The following PARN variants were observed in gnomAD, a reference collection of about 807,000 sequenced individuals.
PARN encodes poly(A)-specific ribonuclease, also known as poly(A)-specific ribonuclease PARN.
A neutral mutation model predicts 102.8 loss-of-function variants in PARN; 71 were observed. The observed-to-expected ratio is 0.69, with a 90% CI of 0.57 to 0.84. PARN has a LOEUF of 0.84. Among genes scored for constraint, PARN ranks in the 40% least tolerant of loss-of-function variants. The probability of loss-of-function intolerance (pLI) is 0.00; values close to 1 mark genes in which losing one functional copy is unlikely to be tolerated. For missense variants in PARN, 782 were observed against 760.9 expected (o/e 1.03, Z -0.33); for synonymous variants, 261 against 252.9 (o/e 1.03, Z -0.30).
chr16:14,563,936 C>T (rs1968266889), intron 18 of PARN, among the ~76,000 whole-genome samples: 2 of 152,066 alleles, frequency 1.3e-5, no homozygotes, highest in African/African-American at 4.8e-5. Flanking sequence ...TTTATCATGG[C>T]CTGTTCAGCC....
chr16:14,506,413 C>A (rs1331159714), intron 21 of PARN, among the ~76,000 whole-genome samples: 1 of 152,066 alleles, frequency 6.6e-6, no homozygotes, highest in Admixed American at 6.6e-5. Context: ...GACATTAGAT[C>A]ATATCAAAAT....
chr16:14,446,860 C>A lies in PARN; in HGVS notation c.1864+28G>T, dbSNP rs757148015. The A allele has an allele frequency of 2.6e-6, 4 of 1,566,562 alleles. No individual in the cohort carries two copies. In the South Asian group the frequency reaches 4.6e-5, roughly 18 times the overall value. The stretch of plus-strand genomic sequence containing the variant: ...AGAGCATTTAAATAGTCCACGGCCC[C>A]AGAACTTCGGCAAGATCCAATACAA... On this transcript the variant is annotated intron_variant, in intron 23 of 23. Coordinates refer to ENST00000437198, the MANE Select transcript of PARN (RefSeq NM_002582.4).
intron 14 of PARN, 145 bp downstream of exon 14, chr16:14,586,173 A>C: frequency 1.7e-6 from 1 of 582,964 alleles, no homozygotes; most frequent in Non-Finnish European, 3.1e-6. Context: ...ATGTGGTTTC[A>C]CTATGTTGCC....
At chr16:14,446,158 T>C (rs1248424319) in intron 23 of PARN, among the ~76,000 whole-genome samples, 1 of 152,210 alleles carries the variant, frequency 6.6e-6, no homozygotes, top group East Asian at 1.9e-4. Flanking sequence ...GGCCTCTTGC[T>C]GTGGCCCTGT....
chr16:14,629,627 C>A lies in PARN; in HGVS notation c.67G>T (p.Asp23Tyr). The change falls in exon 2 of 24, where the codon GAC becomes TAC. Residue 23 changes from aspartate to tyrosine, a missense_variant. Asp to Tyr is a radical substitution (Grantham distance 160). Transcript: ENST00000437198. The part of the protein sequence containing the change: ...HKVYQAIEEA[D>Y]FFAIDGEFSG... The stretch of plus-strand genomic sequence containing the variant: ...AACTCCCCATCGATGGCGAAGAAGT[C>A]GGCCTCCTCTATGGCCTGGTACACT... 1 of 1,613,518 alleles carries A rather than the reference C, an allele frequency of 6.2e-7. No individual in the cohort carries two copies. The highest frequency in any genetic ancestry group is 8.5e-7 in the Non-Finnish European group (1 of 1,179,394).
intron 13 of PARN, among the ~76,000 whole-genome samples, 165 bp downstream of exon 13, chr16:14,593,136 A>G (rs1370777463): frequency 6.6e-6 from 1 of 151,012 alleles, no homozygotes; most frequent in Non-Finnish European, 1.5e-5. Context: ...CATCTCAAGG[A>G]AAAAAAAATG....
At chr16:14,554,654 C>T (rs763477684) in intron 19 of PARN, among the ~76,000 whole-genome samples, 10 of 151,660 alleles carry the variant, frequency 6.6e-5, no homozygotes, top group South Asian at 4.2e-4. Context: ...ATGCTGCCCA[C>T]GCTGGTCTTG....
At chr16:14,609,369 CA>C (rs1448953014) in intron 7 of PARN, among the ~76,000 whole-genome samples, 5 of 151,838 alleles carry the variant, frequency 3.3e-5, no homozygotes, top group African/African-American at 1.2e-4. Flanking sequence ...AGTTCGCGAC[CA>C]GCCTGGGCAA....
At chr16:14,487,033 G>A (rs370126525) in intron 21 of PARN, among the ~76,000 whole-genome samples, 210 of 152,358 alleles carry the variant, frequency 1.4e-3, no homozygotes, top group African/African-American at 4.5e-3. Flanking sequence ...AGAACAGCAC[G>A]GTCCGGGGTG....
rs919832892 is a variant in PARN at position 14,551,952 on chromosome 16, T to C, written c.1480+69A>G. The C allele has an allele frequency of 5.2e-6, 5 of 952,840 alleles. No homozygotes were observed. The South Asian group carries it at 6.9e-5, about 13-fold the overall frequency. 59.0% of individuals were successfully genotyped at this position (952,840 alleles called of 1,614,324 possible). A position where few individuals can be genotyped will look rare whatever the true frequency, so the allele number is the denominator to read the frequency against. On this transcript the variant is annotated intron_variant, in intron 21 of 23. Transcript: ENST00000437198. ...GCTGACTGAGCCCATAGCTTTTAAA[T>C]TAAGGGGGCAGTGGGAGGGCAACCT...
chr16:14,569,899 T>C (rs1026417702), intron 18 of PARN, among the ~76,000 whole-genome samples: 6 of 152,172 alleles, frequency 3.9e-5, no homozygotes, highest in African/African-American at 1.4e-4. Flanking sequence ...AAACTGTACA[T>C]TTTAAATGGT....
chr16:14,488,367 A>G (rs1310748273), intron 21 of PARN, among the ~76,000 whole-genome samples: 2 of 152,198 alleles, frequency 1.3e-5, no homozygotes, highest in African/African-American at 4.8e-5. Flanking sequence ...GACAGGCATA[A>G]AAGAAAAGAT....
Position 14,556,893 on chromosome 16 carries a change from T to G in PARN, c.1263-1184A>C, listed in dbSNP as rs536910591. Among the ~76,000 whole-genome samples, 7 of 152,186 alleles carry G rather than the reference T, an allele frequency of 4.6e-5. No individual in the cohort carries two copies. In the South Asian group the frequency reaches 1.5e-3, roughly 32 times the overall value. On this transcript the variant is annotated intron_variant, in intron 18 of 23. Coordinates refer to ENST00000437198, the MANE Select transcript of PARN (RefSeq NM_002582.4). The stretch of plus-strand genomic sequence containing the variant: ...CAAAAGCCCACATCATTATTATCAT[T>G]TAAAACACACTAAAAGCACCAAACA...
intron 21 of PARN, among the ~76,000 whole-genome samples, chr16:14,537,893 G>A (rs544498523): frequency 2.0e-5 from 3 of 152,104 alleles, no homozygotes; most frequent in Admixed American, 2.0e-4. Context: ...GGTAAATGTG[G>A]TTAAATAATA....
intron 21 of PARN, among the ~76,000 whole-genome samples, chr16:14,494,006 A>C (rs914394608): frequency 3.9e-5 from 6 of 152,220 alleles, no homozygotes; most frequent in African/African-American, 1.2e-4. Flanking sequence ...CTGTGTTTGA[A>C]CTGCATGGGT....
chr16:14,583,841 A>G (rs1969676777), intron 16 of PARN, among the ~76,000 whole-genome samples: 1 of 152,222 alleles, frequency 6.6e-6, no homozygotes, highest in African/African-American at 2.4e-5. Context: ...AAACACCTCC[A>G]TCTCATCTCC....
At chr16:14,611,116 A>C (rs975119070) in intron 6 of PARN, among the ~76,000 whole-genome samples, 1 of 152,244 alleles carries the variant, frequency 6.6e-6, no homozygotes, top group Admixed American at 6.5e-5. Flanking sequence ...CTGACAAGAA[A>C]ATCAGGAAAG....
intron 6 of PARN, among the ~76,000 whole-genome samples, chr16:14,612,244 C>G: frequency 6.6e-6 from 1 of 152,184 alleles, no homozygotes; most frequent in Non-Finnish European, 1.5e-5. Context: ...GGAGACCAGC[C>G]TGGCCAACAT....
intron 22 of PARN, among the ~76,000 whole-genome samples, chr16:14,468,337 GC>G (rs1962494378): frequency 1.3e-5 from 2 of 152,218 alleles, no homozygotes; most frequent in Admixed American, 1.3e-4. Context: ...AAATGCCAGT[GC>G]CTTCTCTGTC....
Sources: gnomAD v4.1 joint callset for allele counts (sites outside exome capture counted in the v4.1 genomes callset) on GRCh38, gnomAD v4.1.1 for gene constraint, MANE v1.5 for transcripts, NCBI Gene and HGNC (gene_info 2026-07-23, HGNC 2026-07-21) for gene names.